CHRND: variants seen among roughly 807,000 people sequenced by gnomAD.
CHRND encodes acetylcholine receptor subunit delta.
In CHRND, 40 loss-of-function variants were observed where a neutral mutation model predicts 57.8. The observed-to-expected ratio is 0.69, with a 90% CI of 0.54 to 0.90. The LOEUF is 0.90. CHRND is among the 40% of genes least tolerant of loss of function. CHRND has a pLI of 0.00. For missense variants in CHRND, 634 were observed against 673.9 expected (o/e 0.94, Z 0.66); for synonymous variants, 237 against 270.6 (o/e 0.88, Z 1.22).
At chr2:232,527,665 A>T (rs1423806231) in intron 3 of CHRND, among the ~76,000 whole-genome samples, 1 of 152,104 alleles carries the variant, frequency 6.6e-6, no homozygotes, top group East Asian at 1.9e-4. Context: ...AATGGTGTGA[A>T]CGCAGGAGGC....
chr2:232,526,465 G>T, intron 1 of CHRND, 64 bp from the exon 2 acceptor site: 1 of 1,609,824 alleles, frequency 6.2e-7, no homozygotes. Flanking sequence ...GGACCTCAGG[G>T]CAGCTTCCTT....
In CHRND at chr2:232,530,441, G is replaced by C. The variant is rs72991907; in HGVS notation, c.820+302G>C. 5.2e-3 allele frequency among the ~76,000 whole-genome samples: 792 copies of C among 152,362 alleles called. 6 individuals are homozygous for C. The highest frequency in any genetic ancestry group is 6.2e-3 in the Non-Finnish European group (423 of 68,030). On this transcript the variant is annotated intron_variant, in intron 7 of 11. Coordinates refer to ENST00000258385, the MANE Select transcript of CHRND (RefSeq NM_000751.3). ...GAGACCAAGTCCCTCACGGTCACCA[G>C]TGTGTGACCGTGGGCCTGGCACACA...
chr2:232,535,901 C>T lies in CHRND; in HGVS notation c.*589C>T. 2.2e-6 allele frequency: 1 copy of T among 454,122 alleles called. No homozygotes were observed. Among genetic ancestry groups the T allele is most frequent in the Non-Finnish European group, 4.4e-6 (1 of 226,786 alleles). 28.1% of individuals were successfully genotyped at this position (454,122 alleles called of 1,614,324 possible). ...GTGGAAAGGTCAGGATCGACATCCACAAAGACTTGGGGTCAGCCTGAGGTT... is the reference window on the plus strand; with the variant it reads ...GTGGAAAGGTCAGGATCGACATCCATAAAGACTTGGGGTCAGCCTGAGGTT... On this transcript the variant is annotated 3_prime_UTR_variant, in exon 12 of 12. Transcript: ENST00000258385.
intron 11 of CHRND, 36 bp downstream of exon 11, chr2:232,534,378 A>C: frequency 6.3e-7 from 1 of 1,585,502 alleles, no homozygotes. Context: ...ACAGGTGTTC[A>C]AGTAGGGCAC....
chr2:232,536,459 C>CTAAG lies in CHRND; in HGVS notation c.*1148_*1151dup, dbSNP rs1324213549. The CTAAG allele has an allele frequency of 2.2e-6, 1 of 454,070 alleles. No individual in the cohort carries two copies. The highest frequency in any genetic ancestry group is 4.4e-6 in the Non-Finnish European group (1 of 226,724). 28.1% of individuals were successfully genotyped at this position (454,070 alleles called of 1,614,324 possible). The stretch of plus-strand genomic sequence containing the variant: ...ATGGAGAGGCCCACATGGCAAGGAA[C>CTAAG]TAAGGCCTCCTGCCAACAGCCACGT... On this transcript the variant is annotated 3_prime_UTR_variant, in exon 12 of 12. Transcript: ENST00000258385.
chr2:232,526,989 G>C (rs1691496691), intron 2 of CHRND, among the ~76,000 whole-genome samples: 1 of 152,320 alleles, frequency 6.6e-6, no homozygotes, highest in East Asian at 1.9e-4. Context: ...CGGTTTCCCT[G>C]GGTGCCAATT....
intron 9 of CHRND, among the ~76,000 whole-genome samples, chr2:232,533,131 A>G (rs549239511): frequency 1.3e-5 from 2 of 152,148 alleles, no homozygotes; most frequent in East Asian, 3.9e-4. Flanking sequence ...AGTGATTTTC[A>G]TGCCTCAGCC....
chr2:232,528,537 C>T lies in CHRND; in HGVS notation c.390C>T (p.Asn130=), dbSNP rs55700159. The T allele has an allele frequency of 2.8e-5, 46 of 1,614,046 alleles. No individual in the cohort carries two copies. The highest frequency in any genetic ancestry group is 1.6e-4 in the Middle Eastern group (1 of 6,084). Reference sequence around the variant, plus strand: ...CCTTCCAGATCTCCTACTCCTGCAACGTGCTTGTCTACCACTACGGCTTCG... The same window carrying T: ...CCTTCCAGATCTCCTACTCCTGCAATGTGCTTGTCTACCACTACGGCTTCG... ...DGSFQISYSC[N]VLVYHYGFVY... Residue 130 remains asparagine, a synonymous_variant, in exon 5 of 12, where the codon AAC becomes AAT. Transcript: ENST00000258385.
At chr2:232,529,895 C>G (rs1471725111) in intron 6 of CHRND, 44 bp from the exon 7 acceptor site, 23 of 1,603,884 alleles carry the variant, frequency 1.4e-5, no homozygotes, top group Non-Finnish European at 1.9e-5. Context: ...TGCCTAGCCC[C>G]CTTGGCCTGG....
Position 232,526,581 on chromosome 2 carries a change from G to A in CHRND, c.105G>A (p.Glu35=), listed in dbSNP as rs541089636. 3.1e-6 allele frequency: 5 copies of A among 1,613,816 alleles called. No individual in the cohort carries two copies. The South Asian group carries it at 5.5e-5, about 18-fold the overall frequency. The change falls in exon 2 of 12, where the codon GAG becomes GAA. Residue 35 remains glutamate, a synonymous_variant. Coordinates refer to ENST00000258385, the MANE Select transcript of CHRND (RefSeq NM_000751.3). ...EERLIRHLFQ[E]KGYNKELRPV... ...GGCTGATCCGGCACCTGTTTCAAGA[G>A]AAGGGCTACAACAAGGAGCTCCGGC...
chr2:232,528,203 G>T, intron 3 of CHRND, 59 bp from the exon 4 acceptor site: 1 of 1,509,998 alleles, frequency 6.6e-7, no homozygotes, highest in South Asian at 1.1e-5. Flanking sequence ...GGGAAGTGGG[G>T]GGAGCCAGGA....
rs938110342 is a variant in CHRND at position 232,536,361 on chromosome 2, C to G, written c.*1049C>G. ...GAAAGACACTATGGCCTCTTTCTTGCTCATTAGCCCTCATTCTCACATCAG... is the reference window on the plus strand; with the variant it reads ...GAAAGACACTATGGCCTCTTTCTTGGTCATTAGCCCTCATTCTCACATCAG... On this transcript the variant is annotated 3_prime_UTR_variant, in exon 12 of 12. Transcript: ENST00000258385. 4.4e-6 allele frequency: 2 copies of G among 454,004 alleles called. No homozygotes were observed. Among genetic ancestry groups the G allele is most frequent in the African/African-American group, 4.0e-5 (2 of 50,012 alleles). 28.1% of individuals were successfully genotyped at this position (454,004 alleles called of 1,614,324 possible).
intron 6 of CHRND, among the ~76,000 whole-genome samples, chr2:232,529,456 C>G (rs1038918737): frequency 2.6e-5 from 4 of 152,224 alleles, no homozygotes; most frequent in African/African-American, 9.6e-5. Flanking sequence ...GGGACCCTGT[C>G]TCACTGTCTC....
At position 232,535,124 on chromosome 2, in the gene CHRND, C is replaced by A; in HGVS notation, c.1372-6C>A. On this transcript the variant is annotated splice_region_variant and splice_polypyrimidine_tract_variant and intron_variant, in intron 11 of 11. Coordinates refer to ENST00000258385, the MANE Select transcript of CHRND (RefSeq NM_000751.3). ...CTCACCCCACTCTCTCTGCCCCTAC[C>A]CACAGGAGAAAGACAGCTGGAACCG... 5.0e-6 allele frequency: 8 copies of A among 1,613,984 alleles called. No individual in the cohort carries two copies. Among genetic ancestry groups the A allele is most frequent in the Non-Finnish European group, 6.8e-6 (8 of 1,180,034 alleles).
chr2:232,527,243 T>C (rs1574628572), intron 2 of CHRND, among the ~76,000 whole-genome samples, 158 bp from the exon 3 acceptor site: 1 of 151,246 alleles, frequency 6.6e-6, no homozygotes, highest in African/African-American at 2.4e-5. Flanking sequence ...AGGTTGCAGG[T>C]TGCAGTGAGC....
rs767640700 is a variant in CHRND at position 232,526,621 on chromosome 2, G to A, written c.145G>A (p.Glu49Lys). 5 of 1,613,684 alleles carry A rather than the reference G, an allele frequency of 3.1e-6. No individual in the cohort carries two copies. The highest frequency in any genetic ancestry group is 1.1e-5 in the South Asian group (1 of 91,086). ...NKELRPVAHKEESVDVALALT... is the reference protein window; with the variant it reads ...NKELRPVAHKKESVDVALALT... ...GGAGCTCCGGCCCGTGGCACACAAA[G>A]AGGAGAGTGTGGACGTTGCCCTGGC... is the stretch of plus-strand genomic sequence containing the variant. Residue 49 changes from glutamate to lysine, a missense_variant, in exon 2 of 12, where the codon GAG becomes AAG. Coordinates refer to ENST00000258385, the MANE Select transcript of CHRND (RefSeq NM_000751.3).
chr2:232,530,968 C>T (rs1256967831), intron 7 of CHRND, among the ~76,000 whole-genome samples: 3 of 152,134 alleles, frequency 2.0e-5, no homozygotes, highest in South Asian at 4.1e-4. Context: ...ACTTTCTAAG[C>T]GGGGAGTAAC....
Position 232,536,336 on chromosome 2 carries a change from G to A in CHRND, c.*1024G>A. 2.2e-6 allele frequency: 1 copy of A among 454,140 alleles called. No homozygotes were observed. The highest frequency in any genetic ancestry group is 1.6e-5 in the South Asian group (1 of 64,480). The allele number at this position is 454,140 out of a possible 1,614,324, so 28.1% of individuals were successfully genotyped here. A position where few individuals can be genotyped will look rare whatever the true frequency, so the allele number is the denominator to read the frequency against. On this transcript the variant is annotated 3_prime_UTR_variant, in exon 12 of 12. Transcript: ENST00000258385. ...TACCTCACTTCCCAGATTTGGTTAG[G>A]AAAGACACTATGGCCTCTTTCTTGC...
At chr2:232,527,214 G>A (rs756251426) in intron 2 of CHRND, among the ~76,000 whole-genome samples, 187 bp from the exon 3 acceptor site, 20 of 152,012 alleles carry the variant, frequency 1.3e-4, no homozygotes, top group Non-Finnish European at 2.2e-4. Flanking sequence ...CAGGAGAATC[G>A]CTTGAACCCA....
Sources: allele counts gnomAD v4.1 joint callset (sites outside exome capture counted in the v4.1 genomes callset), GRCh38; gene constraint gnomAD v4.1.1; transcripts MANE v1.5; gene names NCBI Gene and HGNC (gene_info 2026-07-23, HGNC 2026-07-21).